Variants in KIAA0825 observed in about 807,000 individuals in gnomAD.
KIAA0825 encodes KIAA0825.
A neutral mutation model predicts 147.6 loss-of-function variants in KIAA0825; 119 were observed. The ratio of observed to expected loss-of-function variants is 0.81; its 90% confidence interval spans 0.69 to 0.94. KIAA0825 has a LOEUF of 0.94. Ranked by LOEUF, KIAA0825 falls within the 40% of genes least tolerant of loss-of-function variation. KIAA0825 has a pLI of 0.00. For synonymous variants in KIAA0825, 470 were observed against 518.1 expected, an observed-to-expected ratio of 0.91 and a Z score of 1.26; for missense variants, 1,381 against 1,472.7, an observed-to-expected ratio of 0.94 and a Z score of 1.02.
chr5:94,432,137 C>A (rs1369660175), intron 14 of KIAA0825, among the ~76,000 whole-genome samples: 2 of 152,138 alleles, frequency 1.3e-5, no homozygotes. Flanking sequence ...CGAGGACAAG[C>A]CACATACTCA....
intron 1 of KIAA0825, among the ~76,000 whole-genome samples, chr5:94,600,822 G>A (rs1248781706): frequency 6.6e-6 from 1 of 152,170 alleles, no homozygotes; most frequent in Non-Finnish European, 1.5e-5. Context: ...GCTTCCTTAA[G>A]TGGGTCCCCA....
At chr5:94,321,609 A>T (rs1405590178) in intron 20 of KIAA0825, among the ~76,000 whole-genome samples, 1 of 151,980 alleles carries the variant, frequency 6.6e-6, no homozygotes, top group East Asian at 1.9e-4. Flanking sequence ...TGATTCTGCT[A>T]GCAAAATGTA....
At position 94,476,491 on chromosome 5, in the gene KIAA0825, C is replaced by A. The variant is rs1158283846; in HGVS notation, c.1227+620G>T. On this transcript the variant is annotated intron_variant, in intron 7 of 20. Transcript: ENST00000682413. ...GGAAGGCTGCATGGTGGGAACAGGGCTCAGGGTGGAGATAAAGGTGTCACA... is the reference window on the plus strand; with the variant it reads ...GGAAGGCTGCATGGTGGGAACAGGGATCAGGGTGGAGATAAAGGTGTCACA... Among the ~76,000 whole-genome samples, 3 of 152,104 alleles carry A rather than the reference C, an allele frequency of 2.0e-5. No individual in the cohort carries two copies. In the East Asian group the frequency reaches 5.8e-4, roughly 29 times the overall value.
intron 5 of KIAA0825, among the ~76,000 whole-genome samples, chr5:94,500,445 C>G (rs752008789): frequency 2.0e-5 from 3 of 152,068 alleles, no homozygotes; most frequent in Non-Finnish European, 4.4e-5. Context: ...CTTGGTGATT[C>G]TTTTGACGGT....
chr5:94,543,648 G>C (rs1468176768), intron 2 of KIAA0825, among the ~76,000 whole-genome samples: 1 of 152,010 alleles, frequency 6.6e-6, no homozygotes, highest in Admixed American at 6.6e-5. Flanking sequence ...GCCTGAAGAA[G>C]TTATGGAAGA....
At chr5:94,306,977 A>G (rs1170048288) in intron 20 of KIAA0825, among the ~76,000 whole-genome samples, 1 of 151,822 alleles carries the variant, frequency 6.6e-6, no homozygotes, top group African/African-American at 2.4e-5. Context: ...GCTTAGGTTC[A>G]TGTATCTATA....
At chr5:94,421,484 C>CA (rs776965389) in intron 14 of KIAA0825, among the ~76,000 whole-genome samples, 12 of 152,190 alleles carry the variant, frequency 7.9e-5, no homozygotes, top group Non-Finnish European at 1.3e-4. Context: ...AGATCACCAT[C>CA]ATATGCTTAT....
intron 12 of KIAA0825, among the ~76,000 whole-genome samples, chr5:94,458,387 G>A (rs1473189963): frequency 2.0e-5 from 3 of 152,154 alleles, no homozygotes; most frequent in Non-Finnish European, 4.4e-5. Context: ...AAAGGAGGAT[G>A]AGTTTTAAGG....
intron 20 of KIAA0825, among the ~76,000 whole-genome samples, chr5:94,283,194 A>C (rs576691073): frequency 3.3e-5 from 5 of 152,108 alleles, no homozygotes; most frequent in South Asian, 2.1e-4. Context: ...AGTAATAATA[A>C]TACTACTCTT....
chr5:94,507,229 C>T (rs1485633637), intron 5 of KIAA0825, among the ~76,000 whole-genome samples: 3 of 152,204 alleles, frequency 2.0e-5, no homozygotes, highest in Non-Finnish European at 4.4e-5. Flanking sequence ...GCAAGCAGAT[C>T]ATGAGGTCAG....
intron 20 of KIAA0825, among the ~76,000 whole-genome samples, chr5:94,336,157 G>A (rs1037914388): frequency 4.6e-5 from 7 of 152,162 alleles, no homozygotes; most frequent in African/African-American, 9.6e-5. Context: ...ATCACCTGAG[G>A]TCAGGAGTTT....
chr5:94,266,077 C>T (rs1324925149), intron 20 of KIAA0825, among the ~76,000 whole-genome samples: 1 of 152,128 alleles, frequency 6.6e-6, no homozygotes, highest in Non-Finnish European at 1.5e-5. Flanking sequence ...GAAAAAACAA[C>T]TGACAGGTAT....
At chr5:94,463,926 T>A (rs1290684719) in intron 11 of KIAA0825, among the ~76,000 whole-genome samples, 1 of 151,848 alleles carries the variant, frequency 6.6e-6, no homozygotes, top group Non-Finnish European at 1.5e-5. Flanking sequence ...AGAGTTCAGT[T>A]TTTTAAAAGA....
At chr5:94,405,315 C>T (rs1405658470) in intron 15 of KIAA0825, among the ~76,000 whole-genome samples, 2 of 152,068 alleles carry the variant, frequency 1.3e-5, no homozygotes, top group African/African-American at 2.4e-5. Context: ...AGGTAATTTA[C>T]TGGGAGTTTT....
At chr5:94,453,164 GA>G in intron 12 of KIAA0825, 95 bp from the exon 13 acceptor site, 1 of 691,642 alleles carries the variant, frequency 1.4e-6, no homozygotes, top group Non-Finnish European at 2.4e-6. Context: ...TTCAGTTAAT[GA>G]TTTTTTTTGT....
chr5:94,594,634 T>A (rs1000395546), intron 1 of KIAA0825: 1 of 642,518 alleles, frequency 1.6e-6, no homozygotes, highest in African/African-American at 1.9e-5. Context: ...ATCCTTCACA[T>A]AAAAGGAAAA....
chr5:94,393,130 A>T (rs373343570), intron 17 of KIAA0825, among the ~76,000 whole-genome samples: 1 of 152,200 alleles, frequency 6.6e-6, no homozygotes, highest in Non-Finnish European at 1.5e-5. Flanking sequence ...GATTGGATTC[A>T]GTCAATGCTA....
intron 20 of KIAA0825, among the ~76,000 whole-genome samples, chr5:94,215,913 G>A (rs777158681): frequency 6.6e-6 from 1 of 151,942 alleles, no homozygotes; most frequent in Non-Finnish European, 1.5e-5. Flanking sequence ...GATAAGCTCC[G>A]AATCCATATT....
intron 20 of KIAA0825, among the ~76,000 whole-genome samples, chr5:94,292,983 C>T (rs1777968958): frequency 6.6e-6 from 1 of 151,440 alleles, no homozygotes; most frequent in East Asian, 1.9e-4. Context: ...TTTATTGTGT[C>T]TTTTTGATTC....
Sources: allele counts gnomAD v4.1 joint callset (sites outside exome capture counted in the v4.1 genomes callset), GRCh38; gene constraint gnomAD v4.1.1; transcripts MANE v1.5; gene names NCBI Gene and HGNC (gene_info 2026-07-23, HGNC 2026-07-21).